Variants in CDC42BPA observed in about 807,000 individuals in gnomAD.
The protein encoded by CDC42BPA is CDC42 binding protein kinase alpha.
CDC42BPA carries 80 observed loss-of-function variants against 223.5 expected under a neutral mutation model. The observed-to-expected ratio is 0.36, with a 90% CI of 0.30 to 0.43. CDC42BPA has a LOEUF of 0.43. Among genes scored for constraint, CDC42BPA ranks in the 20% least tolerant of loss-of-function variants. The pLI is 1.00. For missense variants in CDC42BPA, 1,743 were observed against 2,099.9 expected (o/e 0.83, Z 3.32); for synonymous variants, 694 against 718.6 (o/e 0.97, Z 0.55).
chr1:227,188,216 C>A (rs1408115475), intron 5 of CDC42BPA, among the ~76,000 whole-genome samples: 1 of 152,024 alleles, frequency 6.6e-6, no homozygotes, highest in Admixed American at 6.6e-5. Context: ...AAATAAATGA[C>A]AGCAATGATA....
At chr1:227,106,741 T>C (rs1686008812) in intron 14 of CDC42BPA, among the ~76,000 whole-genome samples, 1 of 152,220 alleles carries the variant, frequency 6.6e-6, no homozygotes, top group African/African-American at 2.4e-5. Flanking sequence ...TTAATTTGTA[T>C]AACTGGTGTG....
chr1:227,262,831 C>T (rs1347671230), intron 1 of CDC42BPA, among the ~76,000 whole-genome samples: 3 of 152,166 alleles, frequency 2.0e-5, no homozygotes, highest in African/African-American at 7.2e-5. Context: ...ATATAACTCA[C>T]CTAAACATTA....
Position 227,142,935 on chromosome 1 carries a change from T to C in CDC42BPA, c.1223+10A>G, listed in dbSNP as rs749025191. ...ACTTGGCCCAAACTATGTTAACTTT[T>C]CAAACTTACCAGCTACTAGTATATG... On this transcript the variant is annotated intron_variant, in intron 9 of 36. Coordinates refer to ENST00000366766, the MANE Select transcript of CDC42BPA (RefSeq NM_001394014.1). 5 of 1,547,568 alleles carry C rather than the reference T, an allele frequency of 3.2e-6. No individual in the cohort carries two copies. The South Asian group carries it at 5.0e-5, about 15-fold the overall frequency.
chr1:227,100,061 G>T (rs1684730531), intron 15 of CDC42BPA, among the ~76,000 whole-genome samples: 1 of 152,134 alleles, frequency 6.6e-6, no homozygotes, highest in African/African-American at 2.4e-5. Flanking sequence ...TCCAATATAA[G>T]CTGAGAATGA....
chr1:227,210,458 A>C (rs1379008224), intron 3 of CDC42BPA, among the ~76,000 whole-genome samples: 3 of 152,140 alleles, frequency 2.0e-5, no homozygotes, highest in African/African-American at 7.2e-5. Context: ...CTTCAGCTAT[A>C]CTTCACAGGA....
chr1:227,283,085 C>T (rs1268236614), intron 1 of CDC42BPA, among the ~76,000 whole-genome samples: 2 of 152,122 alleles, frequency 1.3e-5, no homozygotes, highest in African/African-American at 4.8e-5. Context: ...TACCCATTGA[C>T]TTAATCTTTC....
intron 17 of CDC42BPA, among the ~76,000 whole-genome samples, chr1:227,078,998 A>G (rs1680073924): frequency 6.6e-6 from 1 of 152,160 alleles, no homozygotes; most frequent in African/African-American, 2.4e-5. Flanking sequence ...AGCATTTTGA[A>G]TAAGGAATAC....
At chr1:227,102,143 A>G (rs1337633229) in intron 14 of CDC42BPA, among the ~76,000 whole-genome samples, 2 of 152,180 alleles carry the variant, frequency 1.3e-5, no homozygotes, top group Non-Finnish European at 2.9e-5. Context: ...GAAGTCAGTC[A>G]TAAGGGCAAT....
intron 16 of CDC42BPA, among the ~76,000 whole-genome samples, chr1:227,089,046 T>C (rs1270306062): frequency 6.6e-6 from 1 of 152,172 alleles, no homozygotes; most frequent in African/African-American, 2.4e-5. Context: ...TATCTTTTAA[T>C]AGAAGGTGGG....
chr1:227,281,622 C>T (rs920647838), intron 1 of CDC42BPA, among the ~76,000 whole-genome samples: 1 of 152,142 alleles, frequency 6.6e-6, no homozygotes, highest in Non-Finnish European at 1.5e-5. Context: ...GGTAGTGGGA[C>T]CTGGAGGCCC....
intron 3 of CDC42BPA, among the ~76,000 whole-genome samples, chr1:227,209,892 C>T (rs1673557546): frequency 6.7e-6 from 1 of 149,606 alleles, no homozygotes. Context: ...AGGGAGGATT[C>T]CCTCTTTTTC....
intron 23 of CDC42BPA, among the ~76,000 whole-genome samples, chr1:227,041,423 A>G (rs1410167824): frequency 6.6e-6 from 1 of 152,162 alleles, no homozygotes; most frequent in Non-Finnish European, 1.5e-5. Flanking sequence ...TAAACTACTA[A>G]GAACTCTACT....
chr1:227,048,453 T>G (rs927815455), intron 22 of CDC42BPA, among the ~76,000 whole-genome samples: 1 of 151,970 alleles, frequency 6.6e-6, no homozygotes, highest in Non-Finnish European at 1.5e-5. Flanking sequence ...ATTACATATA[T>G]AGAACACAGC....
chr1:227,115,729 C>T (rs1220796752), intron 12 of CDC42BPA, among the ~76,000 whole-genome samples: 1 of 151,536 alleles, frequency 6.6e-6, no homozygotes, highest in Non-Finnish European at 1.5e-5. Context: ...AATTAGAAGT[C>T]AACAAAAAAA....
At chr1:227,182,627 C>A (rs79087215) in intron 5 of CDC42BPA, among the ~76,000 whole-genome samples, 14,954 of 152,164 alleles carry the variant, frequency 0.098, 871 homozygotes, top group Middle Eastern at 0.17. Context: ...TTAGACTAGA[C>A]CTTATTTCAG....
chr1:227,292,517 A>G (rs1035778372), intron 1 of CDC42BPA, among the ~76,000 whole-genome samples: 5 of 152,240 alleles, frequency 3.3e-5, no homozygotes, highest in African/African-American at 1.2e-4. Context: ...TTTTATTAAC[A>G]AAAGTCTCAA....
chr1:227,174,976 C>T (rs1430693941), intron 5 of CDC42BPA, among the ~76,000 whole-genome samples: 1 of 152,086 alleles, frequency 6.6e-6, no homozygotes, highest in African/African-American at 2.4e-5. Flanking sequence ...TTGGGGTCTT[C>T]ATTTTAAAAT....
intron 1 of CDC42BPA, among the ~76,000 whole-genome samples, chr1:227,315,569 T>A (rs988262941): frequency 3.5e-5 from 5 of 143,546 alleles, no homozygotes; most frequent in Non-Finnish European, 1.5e-5. Flanking sequence ...ACCAAAACCC[T>A]TTAAGTCTTA....
At chr1:227,137,678 CAA>C (rs34947627) in intron 10 of CDC42BPA, among the ~76,000 whole-genome samples, 3 of 144,324 alleles carry the variant, frequency 2.1e-5, no homozygotes, top group Non-Finnish European at 3.0e-5. Flanking sequence ...AACAGCAGTA[CAA>C]AAAAAAAAAG....
Sources: allele counts gnomAD v4.1 joint callset (sites outside exome capture counted in the v4.1 genomes callset), GRCh38; gene constraint gnomAD v4.1.1; transcripts MANE v1.5; gene names NCBI Gene and HGNC (gene_info 2026-07-23, HGNC 2026-07-21).